The following BANP variants were observed in gnomAD, a reference collection of about 807,000 sequenced individuals.
BANP encodes BTG3 associated nuclear protein, also known as protein BANP.
Under a neutral mutation model 68.1 loss-of-function variants are expected in BANP, and 11 were observed. The observed-to-expected ratio is 0.16, with a 90% CI of 0.10 to 0.27. The LOEUF (loss-of-function observed/expected upper bound fraction) is 0.27. Among genes scored for constraint, BANP ranks in the 10% least tolerant of loss-of-function variants. The pLI, the probability that BANP is intolerant of heterozygous loss-of-function variation, is 1.00. For synonymous variants in BANP, 329 were observed against 303.2 expected (o/e 1.09, Z -0.88); for missense variants, 504 against 722.7 (o/e 0.70, Z 3.47).
chr16:87,951,661 G>T, intron 1 of BANP, 146 bp downstream of exon 1: 1 of 148,646 alleles, frequency 6.7e-6, no homozygotes, highest in South Asian at 1.8e-4. Context: ...GCCCGGGCCG[G>T]GCGATCGCCC....
chr16:88,054,114 CACA>C lies in BANP; in HGVS notation c.1312-11150_1312-11148del, dbSNP rs1260911615. On this transcript the variant is annotated intron_variant, in intron 11 of 13. Transcript: ENST00000682872. Reference sequence around the variant, plus strand: ...CTGTCATCTCCATCATCATCACCAGCACAACCACAACCACCTTAACAAACACTA... The same window carrying C: ...CTGTCATCTCCATCATCATCACCAGCACCACAACCACCTTAACAAACACTA... 5.5e-5 allele frequency among the ~76,000 whole-genome samples: 6 copies of C among 109,754 alleles called. No homozygotes were observed. The East Asian group carries it at 1.1e-3, about 20-fold the overall frequency. 72.0% of individuals were successfully genotyped at this position (109,754 alleles called of 152,430 possible).
rs750082154 is a variant in BANP at position 88,027,598 on chromosome 16, G to A, written c.1011G>A (p.Ala337=). Residue 337 remains alanine, a synonymous_variant, in exon 8 of 14, where the codon GCG becomes GCA. Transcript: ENST00000682872. The part of the protein sequence containing the change: ...WRRKQRGQSL[A]VKSFSRRTPN... The stretch of plus-strand genomic sequence containing the variant: ...GCAAGCAGCGGGGCCAGAGCCTGGC[G>A]GTCAAGAGCTTCTCGCGGAGAACGC... 29 of 1,613,832 alleles carry A rather than the reference G, an allele frequency of 1.8e-5. No individual in the cohort carries two copies. The South Asian group carries it at 2.2e-4, about 12-fold the overall frequency.
At chr16:87,982,097 C>G (rs1224264074) in intron 3 of BANP, among the ~76,000 whole-genome samples, 1 of 152,206 alleles carries the variant, frequency 6.6e-6, no homozygotes, top group Non-Finnish European at 1.5e-5. Flanking sequence ...ATGCCTGTTT[C>G]CAACCAATGG....
chr16:88,065,320 C>T lies in BANP; in HGVS notation c.1365C>T (p.Ala455=). The T allele has an allele frequency of 1.3e-6, 1 of 770,728 alleles. No homozygotes were observed. Among genetic ancestry groups the T allele is most frequent in the Non-Finnish European group, 2.4e-6 (1 of 417,874 alleles). 47.7% of individuals were successfully genotyped at this position (770,728 alleles called of 1,614,324 possible). ...PCLLAPSVFK[A]SSGQVLQGAQ... ...TCCTGGCCCCATCCGTCTTCAAAGC[C>T]AGCAGTGGCCAGGTGAGTCCTTTGT... The change falls in exon 12 of 14, where the codon GCC becomes GCT. Residue 455 remains alanine (A), a synonymous_variant. Transcript: ENST00000682872.
At chr16:88,066,227 G>A (rs1210018412) in intron 12 of BANP, among the ~76,000 whole-genome samples, 4 of 152,240 alleles carry the variant, frequency 2.6e-5, no homozygotes, top group Non-Finnish European at 5.9e-5. Context: ...TTAAGACTCT[G>A]AGATGAGGTT....
rs1417150052 is a variant in BANP at position 88,036,082 on chromosome 16, C to G, written c.1272+688C>G. 6.6e-6 allele frequency among the ~76,000 whole-genome samples: 1 copy of G among 152,212 alleles called. No individual in the cohort carries two copies. The highest frequency in any genetic ancestry group is 1.5e-5 in the Non-Finnish European group (1 of 68,044). ...TTGCATGCCAGAGCAGGACTGTCTCCCGGGTGACCGTCCTTCGACTCTGGG... is the reference window on the plus strand; with the variant it reads ...TTGCATGCCAGAGCAGGACTGTCTCGCGGGTGACCGTCCTTCGACTCTGGG... On this transcript the variant is annotated intron_variant, in intron 10 of 13. Transcript: ENST00000682872. This position sits in a 1 kb window ranked among gnomAD's most constrained non-coding sequence, Gnocchi z 4.2.
chr16:88,067,357 G>A (rs531981412), intron 12 of BANP, among the ~76,000 whole-genome samples: 1 of 152,234 alleles, frequency 6.6e-6, no homozygotes, highest in African/African-American at 2.4e-5. Context: ...ATGCTGCATG[G>A]TTCCCACCTA....
intron 6 of BANP, among the ~76,000 whole-genome samples, chr16:88,014,189 T>G (rs1440180711): frequency 1.3e-5 from 2 of 152,144 alleles, no homozygotes; most frequent in African/African-American, 2.4e-5. Context: ...GAGGGCTCAT[T>G]GTGACCTGCA....
Position 88,064,841 on chromosome 16 carries a change from C to A in BANP, c.1312-426C>A, listed in dbSNP as rs966858803. 1.3e-5 allele frequency among the ~76,000 whole-genome samples: 2 copies of A among 152,224 alleles called. No individual in the cohort carries two copies. The highest frequency in any genetic ancestry group is 6.5e-5 in the Admixed American group (1 of 15,290). On this transcript the variant is annotated intron_variant, in intron 11 of 13. Coordinates refer to ENST00000682872, the MANE Select transcript of BANP (RefSeq NM_001386991.1). This position sits in a 1 kb window ranked among gnomAD's most constrained non-coding sequence, Gnocchi z 4.5. ...CTCAGCTTCTGAGGGCCGTGGCCTT[C>A]AGGCTGTCAGGAGGCCCTGGGAGGT...
chr16:88,019,002 C>T (rs775285148), intron 7 of BANP, among the ~76,000 whole-genome samples: 1 of 149,010 alleles, frequency 6.7e-6, no homozygotes, highest in Non-Finnish European at 1.5e-5. Flanking sequence ...GGGGCCTTCC[C>T]TGCTGTCCTG....
At chr16:88,015,276 G>A (rs1204917890) in intron 6 of BANP, among the ~76,000 whole-genome samples, 1 of 127,296 alleles carries the variant, frequency 7.9e-6, no homozygotes, top group African/African-American at 3.1e-5. Context: ...CATGCCCTCT[G>A]CCTGTACCTC....
intron 1 of BANP, among the ~76,000 whole-genome samples, chr16:87,962,776 A>T (rs904907243): frequency 1.3e-5 from 2 of 152,142 alleles, no homozygotes; most frequent in Admixed American, 1.3e-4. Context: ...TTTCCCGCCT[A>T]TCTAGCATCC....
chr16:88,074,605 C>G (rs939169086), intron 13 of BANP, among the ~76,000 whole-genome samples: 1 of 152,172 alleles, frequency 6.6e-6, no homozygotes, highest in Non-Finnish European at 1.5e-5. Flanking sequence ...CAGCCCAGAC[C>G]TGTGCCCCAC....
At position 88,003,021 on chromosome 16, in the gene BANP, C is replaced by T. The variant is rs1302978014; in HGVS notation, c.363-1274C>T. Among the ~76,000 whole-genome samples, 1 of 152,172 alleles carries T rather than the reference C, an allele frequency of 6.6e-6. No homozygotes were observed. The highest frequency in any genetic ancestry group is 6.5e-5 in the Admixed American group (1 of 15,284). The stretch of plus-strand genomic sequence containing the variant: ...GCCTCCACTTGGGGAACATACCAAG[C>T]TCGTGCAAGTCAGGTAGCCTCTCCA... On this transcript the variant is annotated intron_variant, in intron 4 of 13. Coordinates refer to ENST00000682872, the MANE Select transcript of BANP (RefSeq NM_001386991.1). The surrounding 1 kb of genome is among the most constrained non-coding windows in gnomAD (Gnocchi z 6.1).
intron 7 of BANP, among the ~76,000 whole-genome samples, chr16:88,026,836 T>G (rs941123877): frequency 5.9e-5 from 9 of 152,218 alleles, no homozygotes; most frequent in African/African-American, 2.2e-4. Context: ...AATACACACC[T>G]GAATTTTCGA....
chr16:87,954,147 G>A (rs2057558792), intron 1 of BANP, among the ~76,000 whole-genome samples: 1 of 152,128 alleles, frequency 6.6e-6, no homozygotes, highest in African/African-American at 2.4e-5. Flanking sequence ...GGACGTTCTA[G>A]GTGGAGCCCT....
At chr16:87,986,916 T>A (rs2152476062) in intron 4 of BANP, among the ~76,000 whole-genome samples, 1 of 152,322 alleles carries the variant, frequency 6.6e-6, no homozygotes, top group South Asian at 2.1e-4. Context: ...TTATTGTATA[T>A]CAGCATGGGG....
chr16:88,062,268 A>G (rs556631378), intron 11 of BANP, among the ~76,000 whole-genome samples: 6 of 152,340 alleles, frequency 3.9e-5, no homozygotes, highest in African/African-American at 1.2e-4. Context: ...TTGTATCTAA[A>G]TAGTACTGAG....
In BANP at chr16:88,036,091, C is replaced by T. The variant is rs145500575; in HGVS notation, c.1272+697C>T. On this transcript the variant is annotated intron_variant, in intron 10 of 13. Transcript: ENST00000682872. The surrounding 1 kb of genome is among the most constrained non-coding windows in gnomAD (Gnocchi z 4.2). ...AGAGCAGGACTGTCTCCCGGGTGAC[C>T]GTCCTTCGACTCTGGGCTGTTTCCT... 2.7e-3 allele frequency among the ~76,000 whole-genome samples: 404 copies of T among 152,320 alleles called. 1 individual carries two copies. The highest frequency in any genetic ancestry group is 8.9e-3 in the African/African-American group (370 of 41,562).
Sources: allele counts gnomAD v4.1 joint callset (sites outside exome capture counted in the v4.1 genomes callset), GRCh38; gene constraint gnomAD v4.1.1; non-coding constraint Gnocchi (gnomAD v3.1); transcripts MANE v1.5; gene names NCBI Gene and HGNC (gene_info 2026-07-23, HGNC 2026-07-21).